Variants in FAM168B observed in about 807,000 individuals in gnomAD.
FAM168B encodes family with sequence similarity 168 member B.
A neutral mutation model predicts 21.8 loss-of-function variants in FAM168B; 19 were observed. The ratio of observed to expected loss-of-function variants is 0.87; its 90% CI spans 0.61 to 1.28. FAM168B has a LOEUF of 1.28. FAM168B is among the 50% of genes most tolerant of loss of function. The probability of loss-of-function intolerance (pLI) is 0.00; values close to 1 mark genes in which losing one functional copy is unlikely to be tolerated. For missense variants in FAM168B, 233 were observed against 263.1 expected, an observed-to-expected ratio of 0.89 and a Z score of 0.79; for synonymous variants, 126 against 104.8, an observed-to-expected ratio of 1.20 and a Z score of -1.24.
intron 2 of FAM168B, among the ~76,000 whole-genome samples, chr2:131,073,742 A>G (rs1481807649): frequency 1.3e-5 from 2 of 152,214 alleles, no homozygotes; most frequent in Non-Finnish European, 2.9e-5. Context: ...AAAGCAGCAG[A>G]AAACAAATTA....
intron 3 of FAM168B, among the ~76,000 whole-genome samples, chr2:131,061,935 G>T (rs748352640): frequency 1.8e-4 from 27 of 152,166 alleles, no homozygotes; most frequent in Non-Finnish European, 3.5e-4. Context: ...GTTAAACTAT[G>T]CCACTGGACA....
chr2:131,072,182 G>T (rs1692907382), intron 2 of FAM168B, among the ~76,000 whole-genome samples: 1 of 152,156 alleles, frequency 6.6e-6, no homozygotes, highest in African/African-American at 2.4e-5. Context: ...GGAGTGCAAT[G>T]GCATGATCTT....
At chr2:131,064,491 G>A (rs1341148100) in intron 3 of FAM168B, among the ~76,000 whole-genome samples, 1 of 152,094 alleles carries the variant, frequency 6.6e-6, no homozygotes, top group Non-Finnish European at 1.5e-5. Context: ...CAACAGTGGT[G>A]GAAGCTGGAA....
Position 131,048,796 on chromosome 2 carries a change from G to C in FAM168B, c.*3669C>G. On this transcript the variant is annotated 3_prime_UTR_variant, in exon 7 of 7. Transcript: ENST00000389915. Reference sequence around the variant, plus strand: ...TCTGCTTTAGAGACCCTCTCAGAAAGCACCAGAGAGGAGGACCAGACGCTG... The same window carrying C: ...TCTGCTTTAGAGACCCTCTCAGAAACCACCAGAGAGGAGGACCAGACGCTG... 2 of 986,264 alleles carry C rather than the reference G, an allele frequency of 2.0e-6. No individual in the cohort carries two copies. Among genetic ancestry groups the C allele is most frequent in the Non-Finnish European group, 2.4e-6 (2 of 830,286 alleles). 61.1% of individuals were successfully genotyped at this position (986,264 alleles called of 1,614,324 possible). A position where few individuals can be genotyped will look rare whatever the true frequency, so the allele number is the denominator to read the frequency against.
intron 5 of FAM168B, among the ~76,000 whole-genome samples, chr2:131,054,143 A>C (rs559897620): frequency 2.6e-5 from 4 of 151,832 alleles, no homozygotes; most frequent in Non-Finnish European, 1.5e-5. Context: ...TAGGAGGCAG[A>C]GGTTGCAGTA....
chr2:131,077,848 A>C lies in FAM168B; in HGVS notation c.70+4729T>G, dbSNP rs147825186. ...CAAAAACCAAAAATCTCTGAAACGC[A>C]GAGTTTTCCTTACTCCCCTGGTGTA... On this transcript the variant is annotated intron_variant, in intron 2 of 6. Transcript: ENST00000389915. 1.4e-3 allele frequency among the ~76,000 whole-genome samples: 209 copies of C among 152,110 alleles called. 1 individual carries two copies. In the East Asian group the frequency reaches 0.017, roughly 12 times the overall value.
At chr2:131,085,887 C>G (rs1393694599) in intron 1 of FAM168B, among the ~76,000 whole-genome samples, 1 of 152,184 alleles carries the variant, frequency 6.6e-6, no homozygotes, top group African/African-American at 2.4e-5. Context: ...TGCTGAGCAT[C>G]TGAAAAGTAA....
At chr2:131,086,230 T>C (rs1693693498) in intron 1 of FAM168B, among the ~76,000 whole-genome samples, 1 of 152,194 alleles carries the variant, frequency 6.6e-6, no homozygotes, top group African/African-American at 2.4e-5. Context: ...GAAGCAAATA[T>C]TTCCCAAATG....
intron 3 of FAM168B, among the ~76,000 whole-genome samples, chr2:131,056,476 G>T (rs548928857): frequency 6.6e-6 from 1 of 152,124 alleles, no homozygotes; most frequent in Non-Finnish European, 1.5e-5. Context: ...CCTGCAAACT[G>T]CTGGCCACCA....
intron 3 of FAM168B, among the ~76,000 whole-genome samples, chr2:131,066,849 G>C (rs1263575511): frequency 6.6e-6 from 1 of 152,172 alleles, no homozygotes; most frequent in Non-Finnish European, 1.5e-5. Flanking sequence ...CAGCCCAGTT[G>C]TATTAGTTCA....
Position 131,051,156 on chromosome 2 carries a change from A to G in FAM168B, c.*1309T>C, listed in dbSNP as rs915288060. The G allele has an allele frequency of 2.7e-5, 27 of 985,186 alleles. No homozygotes were observed. In the Admixed American group the frequency reaches 3.7e-4, roughly 13 times the overall value. The allele number at this position is 985,186 out of a possible 1,614,324, so 61.0% of individuals were successfully genotyped here. A position where few individuals can be genotyped will look rare whatever the true frequency, so the allele number is the denominator to read the frequency against. On this transcript the variant is annotated 3_prime_UTR_variant, in exon 7 of 7. Transcript: ENST00000389915. ...CCAAGTGCCCTCAGCTGCAAAAGAG[A>G]TGGCAGGAGAGGCTCGCAGACAACA...
intron 3 of FAM168B, among the ~76,000 whole-genome samples, chr2:131,060,824 C>T (rs1446130426): frequency 6.6e-6 from 1 of 152,120 alleles, no homozygotes; most frequent in Non-Finnish European, 1.5e-5. Context: ...TGGACATCCA[C>T]TGTATTGTCC....
intron 3 of FAM168B, among the ~76,000 whole-genome samples, chr2:131,057,819 G>A (rs986640382): frequency 2.6e-5 from 4 of 152,028 alleles, no homozygotes; most frequent in Admixed American, 6.6e-5. Context: ...ATATGTACGT[G>A]TGTGTATTTT....
At chr2:131,072,855 G>C (rs1384672274) in intron 2 of FAM168B, among the ~76,000 whole-genome samples, 1 of 152,132 alleles carries the variant, frequency 6.6e-6, no homozygotes, top group Non-Finnish European at 1.5e-5. Flanking sequence ...GCTAGGTCCT[G>C]TTACCCTCAT....
At chr2:131,076,584 C>T (rs1232136089) in intron 2 of FAM168B, among the ~76,000 whole-genome samples, 3 of 149,412 alleles carry the variant, frequency 2.0e-5, no homozygotes, top group Non-Finnish European at 3.0e-5. Flanking sequence ...ACCTGGGAGG[C>T]GCAGCTTGCA....
chr2:131,090,199 T>TA (rs1693937728), intron 1 of FAM168B, among the ~76,000 whole-genome samples: 1 of 143,124 alleles, frequency 7.0e-6, no homozygotes. Context: ...CAGGCGCCTG[T>TA]ACCCAGCTAC....
At chr2:131,088,018 G>C (rs1484711894) in intron 1 of FAM168B, among the ~76,000 whole-genome samples, 3 of 152,126 alleles carry the variant, frequency 2.0e-5, no homozygotes, top group Non-Finnish European at 2.9e-5. Flanking sequence ...GGCCGATGAG[G>C]GCGGATCACT....
At chr2:131,080,184 T>C (rs1004345278) in intron 2 of FAM168B, among the ~76,000 whole-genome samples, 2 of 150,438 alleles carry the variant, frequency 1.3e-5, no homozygotes, top group Non-Finnish European at 3.0e-5. Flanking sequence ...AACATGTAAA[T>C]AGAGAAAGCA....
chr2:131,087,755 ACATGACCCCAC>A (rs1265770218), intron 1 of FAM168B, among the ~76,000 whole-genome samples: 1 of 152,200 alleles, frequency 6.6e-6, no homozygotes, highest in African/African-American at 2.4e-5. Flanking sequence ...CAGAGTTACC[ACATGACCCCAC>A]AATTCCACTC....
Sources: gnomAD v4.1 joint callset for allele counts (sites outside exome capture counted in the v4.1 genomes callset) on GRCh38, gnomAD v4.1.1 for gene constraint, MANE v1.5 for transcripts, NCBI Gene and HGNC (gene_info 2026-07-23, HGNC 2026-07-21) for gene names.